The following CNNM2 variants were observed in gnomAD, a reference collection of about 807,000 sequenced individuals.
The protein encoded by CNNM2 is cyclin and CBS domain divalent metal cation transport mediator 2, also known as metal transporter CNNM2.
In CNNM2, 12 loss-of-function variants were observed where a neutral mutation model predicts 66.9. The ratio of observed to expected loss-of-function variants is 0.18; its 90% CI spans 0.11 to 0.29. CNNM2 has a LOEUF of 0.29. Ranked by LOEUF, CNNM2 falls within the 10% of genes least tolerant of loss-of-function variation. The probability of loss-of-function intolerance (pLI) is 1.00; values close to 1 mark genes in which losing one functional copy is unlikely to be tolerated. For synonymous variants in CNNM2, 557 were observed against 501.8 expected, an observed-to-expected ratio of 1.11 and a Z score of -1.47; for missense variants, 705 against 1,167.7, an observed-to-expected ratio of 0.60 and a Z score of 5.77.
At chr10:102,978,208 C>CTTT (rs79672869) in intron 1 of CNNM2, among the ~76,000 whole-genome samples, 1 of 138,172 alleles carries the variant, frequency 7.2e-6, no homozygotes, top group African/African-American at 2.6e-5. Flanking sequence ...CATGCCTGGA[C>CTTT]TTTTTTTTTT....
intron 1 of CNNM2, among the ~76,000 whole-genome samples, chr10:102,955,015 T>A (rs1020325517): frequency 6.6e-6 from 1 of 152,118 alleles, no homozygotes. Flanking sequence ...CTTCACAGAA[T>A]TGAAAAAACT....
At chr10:102,952,156 G>C (rs1490047324) in intron 1 of CNNM2, among the ~76,000 whole-genome samples, 2 of 152,084 alleles carry the variant, frequency 1.3e-5, no homozygotes, top group Non-Finnish European at 2.9e-5. Context: ...GTCCAGGCTT[G>C]TCTTGAACTC....
chr10:102,979,051 C>T (rs539807083), intron 1 of CNNM2, among the ~76,000 whole-genome samples: 8 of 152,172 alleles, frequency 5.3e-5, no homozygotes, highest in Admixed American at 1.3e-4. Context: ...AGATAGTTCC[C>T]GGCTTTAGGC....
At chr10:103,042,011 G>A (rs561438244) in intron 1 of CNNM2, among the ~76,000 whole-genome samples, 65 of 152,124 alleles carry the variant, frequency 4.3e-4, no homozygotes, top group Non-Finnish European at 8.2e-4. Flanking sequence ...CTGGACTCTT[G>A]TATCTATCTG....
At chr10:103,036,290 T>G (rs1481001137) in intron 1 of CNNM2, among the ~76,000 whole-genome samples, 2 of 152,198 alleles carry the variant, frequency 1.3e-5, no homozygotes, top group Non-Finnish European at 2.9e-5. Flanking sequence ...CTGAAGTTGT[T>G]TTCTATGGGA....
At chr10:102,943,184 C>T (rs1217939986) in intron 1 of CNNM2, among the ~76,000 whole-genome samples, 2 of 151,968 alleles carry the variant, frequency 1.3e-5, no homozygotes, top group Non-Finnish European at 2.9e-5. Flanking sequence ...GAGATCGTGC[C>T]ACTGCACTTC....
chr10:103,005,943 G>A (rs2064218140), intron 1 of CNNM2, among the ~76,000 whole-genome samples: 1 of 151,984 alleles, frequency 6.6e-6, no homozygotes, highest in Non-Finnish European at 1.5e-5. Context: ...TGCCCAGGCT[G>A]GTCTCAAACC....
At chr10:103,011,881 C>CG (rs1275125409) in intron 1 of CNNM2, among the ~76,000 whole-genome samples, 1 of 151,882 alleles carries the variant, frequency 6.6e-6, no homozygotes, top group Admixed American at 6.6e-5. Context: ...TTAGTAGAGA[C>CG]GGGGTTTCAC....
At chr10:102,942,924 A>G (rs1053914864) in intron 1 of CNNM2, among the ~76,000 whole-genome samples, 1 of 152,130 alleles carries the variant, frequency 6.6e-6, no homozygotes, top group Non-Finnish European at 1.5e-5. Flanking sequence ...TAAAAACTGC[A>G]TTGCAGTCCA....
chr10:103,011,688 G>T (rs1316153373), intron 1 of CNNM2, among the ~76,000 whole-genome samples: 1 of 144,846 alleles, frequency 6.9e-6, no homozygotes, highest in Non-Finnish European at 1.5e-5. Flanking sequence ...GTGTGTGTAT[G>T]TATAATTTTT....
At chr10:103,025,792 C>CTA (rs1158456496) in intron 1 of CNNM2, among the ~76,000 whole-genome samples, 6 of 152,358 alleles carry the variant, frequency 3.9e-5, no homozygotes, top group African/African-American at 1.4e-4. Context: ...TTACCCCCTC[C>CTA]TAATTCAACA....
intron 1 of CNNM2, among the ~76,000 whole-genome samples, chr10:103,025,206 C>T (rs1308395322): frequency 6.6e-6 from 1 of 152,108 alleles, no homozygotes; most frequent in South Asian, 2.1e-4. Context: ...ATTCTCCTGC[C>T]TCAGCCTCCC....
At chr10:102,991,506 C>T (rs985080789) in intron 1 of CNNM2, among the ~76,000 whole-genome samples, 1 of 152,168 alleles carries the variant, frequency 6.6e-6, no homozygotes, top group Non-Finnish European at 1.5e-5. Flanking sequence ...CATCTGCTTT[C>T]CTCCATTACA....
chr10:102,970,343 A>G lies in CNNM2; in HGVS notation c.1621+50242A>G, dbSNP rs762671513. 4.6e-5 allele frequency among the ~76,000 whole-genome samples: 7 copies of G among 152,338 alleles called. No individual in the cohort carries two copies. In the East Asian group the frequency reaches 1.2e-3, roughly 25 times the overall value. On this transcript the variant is annotated intron_variant, in intron 1 of 7. Transcript: ENST00000369878. ...AATAATTGTGATATGTGAAAATTAC[A>G]TGAAATTCAAATTTCAGTGTCATAA...
intron 1 of CNNM2, among the ~76,000 whole-genome samples, chr10:102,936,172 A>G (rs1431087446): frequency 6.6e-6 from 1 of 151,920 alleles, no homozygotes; most frequent in African/African-American, 2.4e-5. Context: ...CAATGTGCTG[A>G]CTCAACTCGG....
Position 102,929,116 on chromosome 10 carries a change from C to T in CNNM2, c.1621+9015C>T, listed in dbSNP as rs530314000. On this transcript the variant is annotated intron_variant, in intron 1 of 7. Transcript: ENST00000369878. ...CTCCACTAAAAATACAAAAATTAGC[C>T]GGGCGTGGTGGCATGTGCCTGTAGT... 2.1e-3 allele frequency among the ~76,000 whole-genome samples: 313 copies of T among 151,858 alleles called. 2 individuals are homozygous for T. The highest frequency in any genetic ancestry group is 3.5e-3 in the Non-Finnish European group (235 of 67,950).
At chr10:103,036,938 A>G (rs1178362553) in intron 1 of CNNM2, among the ~76,000 whole-genome samples, 3 of 152,124 alleles carry the variant, frequency 2.0e-5, no homozygotes, top group Non-Finnish European at 4.4e-5. Flanking sequence ...GAAGTGTCCT[A>G]TACTGTGGCT....
chr10:102,988,135 T>C (rs1303817832), intron 1 of CNNM2, among the ~76,000 whole-genome samples: 1 of 151,844 alleles, frequency 6.6e-6, no homozygotes. Flanking sequence ...CCCGTCTCTA[T>C]TAAAAATACA....
rs1168283830 is a variant in CNNM2 at position 103,077,276 on chromosome 10, ATGCTGTACCC to A, written c.*100_*109del. On this transcript the variant is annotated 3_prime_UTR_variant, in exon 8 of 8. Coordinates refer to ENST00000369878, the MANE Select transcript of CNNM2 (RefSeq NM_017649.5). ...CTTCACTGGTGTGAGCTTGTCCGCCATGCTGTACCCTGCAACATCCTGAGACCAAAGACCT... is the reference window on the plus strand; with the variant it reads ...CTTCACTGGTGTGAGCTTGTCCGCCATGCAACATCCTGAGACCAAAGACCT... 7.1e-6 allele frequency: 8 copies of A among 1,119,868 alleles called. No homozygotes were observed. The highest frequency in any genetic ancestry group is 9.1e-6 in the Non-Finnish European group (7 of 769,908). 69.4% of individuals were successfully genotyped at this position (1,119,868 alleles called of 1,614,324 possible).
Sources: gnomAD v4.1 joint callset for allele counts (sites outside exome capture counted in the v4.1 genomes callset) on GRCh38, gnomAD v4.1.1 for gene constraint, MANE v1.5 for transcripts, NCBI Gene and HGNC (gene_info 2026-07-23, HGNC 2026-07-21) for gene names.